Variants in DNAJC13 observed in about 807,000 individuals in gnomAD.
DNAJC13 encodes DnaJ heat shock protein family (Hsp40) member C13, also known as dnaJ homolog subfamily C member 13.
DNAJC13 carries 75 observed loss-of-function variants against 290.5 expected under a neutral mutation model. The ratio of observed to expected loss-of-function variants is 0.26; its 90% CI spans 0.21 to 0.31. DNAJC13 has a LOEUF of 0.31. Ranked by LOEUF, DNAJC13 falls within the 10% of genes least tolerant of loss-of-function variation. The pLI is 1.00. For missense variants in DNAJC13, 2,260 were observed against 2,674.5 expected (o/e 0.85, Z 3.42); for synonymous variants, 862 against 892.0 (o/e 0.97, Z 0.60).
chr3:132,444,795 G>A (rs185803865), intron 2 of DNAJC13, among the ~76,000 whole-genome samples: 1 of 152,204 alleles, frequency 6.6e-6, no homozygotes, highest in African/African-American at 2.4e-5. Context: ...TCTTTAGATA[G>A]CTTGTTTACT....
intron 36 of DNAJC13, among the ~76,000 whole-genome samples, chr3:132,497,901 T>C (rs565985885): frequency 3.9e-5 from 6 of 152,012 alleles, no homozygotes; most frequent in Admixed American, 3.3e-4. Flanking sequence ...CCAGGGGGCC[T>C]TTTTTTTAAA....
rs991604029 is a variant in DNAJC13, at chr3:132,422,276, A to G, written c.-14+4516A>G. On this transcript the variant is annotated intron_variant, in intron 1 of 55. Transcript: ENST00000260818. ...AGTCTCAAACTCCTGAGCTCAAGCA[A>G]TCCTCCCACCTCAGCCTCTCAGAAT... 2.0e-5 allele frequency among the ~76,000 whole-genome samples: 3 copies of G among 151,982 alleles called. 1 individual carries two copies. Among genetic ancestry groups the G allele is most frequent in the South Asian group, 4.1e-4 (2 of 4,822 alleles).
intron 43 of DNAJC13, among the ~76,000 whole-genome samples, chr3:132,509,137 A>G (rs1935694791): frequency 6.6e-6 from 1 of 152,264 alleles, no homozygotes; most frequent in African/African-American, 2.4e-5. Context: ...GGGCAAAGCA[A>G]ATTGAAAACC....
At chr3:132,486,706 GT>G (rs1169966180) in intron 29 of DNAJC13, among the ~76,000 whole-genome samples, 1 of 152,134 alleles carries the variant, frequency 6.6e-6, no homozygotes, top group African/African-American at 2.4e-5. Context: ...GGCTATAGTA[GT>G]TTCTGGGAAT....
intron 26 of DNAJC13, among the ~76,000 whole-genome samples, chr3:132,481,810 GT>G (rs1402334238): frequency 5.3e-5 from 8 of 152,116 alleles, no homozygotes; most frequent in Admixed American, 3.3e-4. Context: ...GTTGGAGTGA[GT>G]TTTTCCCCCA....
chr3:132,534,052 A>C (rs1936512024), intron 55 of DNAJC13, among the ~76,000 whole-genome samples: 1 of 152,290 alleles, frequency 6.6e-6, no homozygotes, highest in East Asian at 1.9e-4. Context: ...GTTAGGGAAA[A>C]AGAAAAGTTG....
intron 16 of DNAJC13, 42 bp downstream of exon 16, chr3:132,462,565 G>T: frequency 2.1e-6 from 3 of 1,437,588 alleles, no homozygotes; most frequent in Non-Finnish European, 2.9e-6. Context: ...CTTGAATGTT[G>T]ATAGGCTGTT....
chr3:132,509,454 T>C (rs1230379830), intron 43 of DNAJC13, among the ~76,000 whole-genome samples: 1 of 152,238 alleles, frequency 6.6e-6, no homozygotes, highest in Non-Finnish European at 1.5e-5. Flanking sequence ...TGAAATCTTG[T>C]GAAGATGCTG....
chr3:132,534,237 A>G (rs1936520541), intron 55 of DNAJC13, among the ~76,000 whole-genome samples: 1 of 152,196 alleles, frequency 6.6e-6, no homozygotes, highest in Admixed American at 6.5e-5. Context: ...AACAGTCTGG[A>G]TAAGCTGTAA....
intron 42 of DNAJC13, among the ~76,000 whole-genome samples, chr3:132,506,812 A>C (rs182512621): frequency 6.6e-6 from 1 of 151,726 alleles, no homozygotes; most frequent in African/African-American, 2.4e-5. Context: ...GGCCTCCCTA[A>C]GTGCTGGGAT....
intron 20 of DNAJC13, among the ~76,000 whole-genome samples, chr3:132,468,949 A>C (rs1006633604): frequency 6.6e-6 from 1 of 152,236 alleles, no homozygotes; most frequent in African/African-American, 2.4e-5. Context: ...AAGCATGAAC[A>C]CAAAGCTCTA....
At chr3:132,502,817 A>G (rs1935461100) in intron 40 of DNAJC13, among the ~76,000 whole-genome samples, 1 of 152,170 alleles carries the variant, frequency 6.6e-6, no homozygotes. Context: ...TAAACACTTG[A>G]GTACTTGTCT....
chr3:132,456,712 C>T lies in DNAJC13; in HGVS notation c.1229C>T (p.Ala410Val), dbSNP rs1314122782. ...AAACTGATCAATAATGCCATAACAG[C>T]ATTACTGTCCCAAGAAGGGGATGTC... is the stretch of plus-strand genomic sequence containing the variant. ...KEKLINNAIT[A>V]LLSQEGDVVA... is the part of the protein sequence containing the mutation. The change falls in exon 12 of 56, where the codon GCA (alanine) becomes GTA (valine). Residue 410 changes from alanine to valine, a missense_variant. Physicochemically the swap from Ala to Val is moderately conservative, Grantham distance 64 (BLOSUM62 0). Around this residue, in one of 3 missense-constraint regions of DNAJC13, gnomAD observed 762 missense variants for 964.1 expected, o/e 0.79. Coordinates refer to ENST00000260818, the MANE Select transcript of DNAJC13 (RefSeq NM_015268.4). 1 of 1,614,074 alleles carries T rather than the reference C, an allele frequency of 6.2e-7. No homozygotes were observed. The highest frequency in any genetic ancestry group is 8.5e-7 in the Non-Finnish European group (1 of 1,179,960).
At chr3:132,510,663 T>C (rs760774349) in intron 43 of DNAJC13, among the ~76,000 whole-genome samples, 1 of 152,232 alleles carries the variant, frequency 6.6e-6, no homozygotes, top group Non-Finnish European at 1.5e-5. Context: ...AATATATATG[T>C]AAATAGCTAT....
intron 1 of DNAJC13, among the ~76,000 whole-genome samples, chr3:132,427,797 T>A (rs1939137838): frequency 6.6e-6 from 1 of 151,940 alleles, no homozygotes; most frequent in Non-Finnish European, 1.5e-5. Context: ...CAAAATAACT[T>A]CTTTTTTTGG....
At chr3:132,529,802 A>AG (rs1331416299) in intron 54 of DNAJC13, among the ~76,000 whole-genome samples, 2 of 151,826 alleles carry the variant, frequency 1.3e-5, no homozygotes, top group Non-Finnish European at 2.9e-5. Flanking sequence ...AAAAAAAAAA[A>AG]AGAGATATTA....
rs568256407 is a variant in DNAJC13 at position 132,537,438 on chromosome 3, T to C, written c.6626-738T>C. 2.0e-5 allele frequency among the ~76,000 whole-genome samples: 3 copies of C among 152,362 alleles called. No homozygotes were observed. The South Asian group carries it at 6.2e-4, about 32-fold the overall frequency. ...AAGTACTTGTTAGTTTGTGCAGTGCTTCTGAGATGTAATTAAATGTTTATG... is the reference window on the plus strand; with the variant it reads ...AAGTACTTGTTAGTTTGTGCAGTGCCTCTGAGATGTAATTAAATGTTTATG... On this transcript the variant is annotated intron_variant, in intron 55 of 55. Coordinates refer to ENST00000260818, the MANE Select transcript of DNAJC13 (RefSeq NM_015268.4).
chr3:132,499,924 C>T (rs1378978705), intron 38 of DNAJC13, 116 bp downstream of exon 38: 7 of 885,538 alleles, frequency 7.9e-6, no homozygotes, highest in Middle Eastern at 4.6e-4. Flanking sequence ...AGCTCCACCC[C>T]ACCCCAAGTT....
chr3:132,500,940 G>A (rs1192905403), intron 39 of DNAJC13, 27 bp downstream of exon 39: 1 of 1,609,610 alleles, frequency 6.2e-7, no homozygotes, highest in Admixed American at 1.7e-5. Flanking sequence ...ATGCTTTCTA[G>A]ATACAGACAG....
Sources: gnomAD v4.1 joint callset for allele counts (sites outside exome capture counted in the v4.1 genomes callset) on GRCh38, gnomAD v4.1.1 for gene constraint, gnomAD v4.1.1 regional missense constraint, MANE v1.5 for transcripts, NCBI Gene and HGNC (gene_info 2026-07-23, HGNC 2026-07-21) for gene names.